Variants in PPFIBP2 observed in about 807,000 individuals in gnomAD.
PPFIBP2 encodes PPFIB scaffold protein 2, also known as liprin-beta-2.
Under a neutral mutation model 118.3 loss-of-function variants are expected in PPFIBP2, and 118 were observed. The ratio of observed to expected loss-of-function variants is 1.00; its 90% CI spans 0.86 to 1.16. The LOEUF (loss-of-function observed/expected upper bound fraction) is 1.16. Among genes scored for constraint, PPFIBP2 ranks in the 50% most tolerant of loss-of-function variants. The pLI, the probability that PPFIBP2 is intolerant of heterozygous loss-of-function variation, is 0.00. For synonymous variants in PPFIBP2, 414 were observed against 397.4 expected (o/e 1.04, Z -0.50); for missense variants, 1,195 against 1,073.1 (o/e 1.11, Z -1.59).
At chr11:7,537,990 G>A (rs1851380920) in intron 1 of PPFIBP2, among the ~76,000 whole-genome samples, 1 of 152,156 alleles carries the variant, frequency 6.6e-6, no homozygotes, top group African/African-American at 2.4e-5. Flanking sequence ...GGAGAGAGAG[G>A]GGAACAAAGG....
intron 1 of PPFIBP2, among the ~76,000 whole-genome samples, chr11:7,525,559 T>G (rs1850153241): frequency 6.6e-6 from 1 of 151,968 alleles, no homozygotes; most frequent in Non-Finnish European, 1.5e-5. Context: ...GAGGCAGAAG[T>G]CCATGACAAG....
intron 3 of PPFIBP2, among the ~76,000 whole-genome samples, chr11:7,584,206 A>G (rs1857708389): frequency 6.6e-6 from 1 of 152,206 alleles, no homozygotes; most frequent in Non-Finnish European, 1.5e-5. Context: ...AGGATTATTC[A>G]AGTCATTTCA....
At chr11:7,521,810 C>G (rs564155197) in intron 1 of PPFIBP2, among the ~76,000 whole-genome samples, 3 of 151,984 alleles carry the variant, frequency 2.0e-5, no homozygotes, top group Non-Finnish European at 4.4e-5. Flanking sequence ...CTGGTTATTT[C>G]GTATGGTAGA....
Position 7,534,666 on chromosome 11 carries a change from G to A in PPFIBP2, c.-36-14774G>A, listed in dbSNP as rs927113518. Among the ~76,000 whole-genome samples the A allele has an allele frequency of 3.3e-5, 5 of 152,182 alleles. 1 individual carries two copies. Among genetic ancestry groups the A allele is most frequent in the African/African-American group, 7.2e-5 (3 of 41,422 alleles). ...GCAGGTGTGGTGTGGACAGGGGAGA[G>A]AATGGAGGTAAGGACTACCACAGGT... On this transcript the variant is annotated intron_variant, in intron 1 of 23. Coordinates refer to ENST00000299492, the MANE Select transcript of PPFIBP2 (RefSeq NM_003621.5).
downstream of PPFIBP2, among the ~76,000 whole-genome samples, chr11:7,661,338 G>C (rs1372843095): frequency 1.3e-5 from 2 of 150,274 alleles, no homozygotes; most frequent in Non-Finnish European, 3.0e-5. Context: ...AGAGATTCTG[G>C]TATGTTGTGT....
At position 7,534,537 on chromosome 11, in the gene PPFIBP2, G is replaced by A. The variant is rs1280457290; in HGVS notation, c.-36-14903G>A. Among the ~76,000 whole-genome samples the A allele has an allele frequency of 5.3e-5, 8 of 152,180 alleles. No homozygotes were observed. In the East Asian group the frequency reaches 1.5e-3, roughly 29 times the overall value. On this transcript the variant is annotated intron_variant, in intron 1 of 23. Coordinates refer to ENST00000299492, the MANE Select transcript of PPFIBP2 (RefSeq NM_003621.5). ...GCATGTGTGTTCTTTGCTGTAAGAA[G>A]GAAAATGAGGGTAGCTTCCCTTGAA... is the stretch of plus-strand genomic sequence containing the variant.
At chr11:7,617,392 C>G (rs1848784931) in intron 6 of PPFIBP2, 1 of 755,414 alleles carries the variant, frequency 1.3e-6, no homozygotes, top group Middle Eastern at 6.6e-4. Flanking sequence ...AGTGCAGTGG[C>G]TTGGCATGGA....
At chr11:7,639,224 C>T (rs1027898109) in intron 14 of PPFIBP2, among the ~76,000 whole-genome samples, 3 of 152,192 alleles carry the variant, frequency 2.0e-5, no homozygotes, top group African/African-American at 7.2e-5. Context: ...CCTCTCTCCT[C>T]ACCACAGGAA....
downstream of PPFIBP2, among the ~76,000 whole-genome samples, chr11:7,661,453 T>C (rs12362956): frequency 0.51 from 76,812 of 149,520 alleles, 21,139 homozygotes; most frequent in Non-Finnish European, 0.61. Flanking sequence ...TGCAGTCGGG[T>C]GGTTTTGAGT....
intron 2 of PPFIBP2, among the ~76,000 whole-genome samples, chr11:7,559,195 T>C (rs1365601354): frequency 1.3e-5 from 2 of 152,246 alleles, no homozygotes; most frequent in Non-Finnish European, 2.9e-5. Context: ...GTAAGTTGAA[T>C]TACCCTTTTC....
At chr11:7,529,434 A>G (rs564932608) in intron 1 of PPFIBP2, among the ~76,000 whole-genome samples, 46 of 152,280 alleles carry the variant, frequency 3.0e-4, no homozygotes, top group African/African-American at 9.1e-4. Context: ...CTGTCTGGCT[A>G]TCGGTGTCCC....
chr11:7,585,947 G>C (rs1372506408), intron 3 of PPFIBP2, among the ~76,000 whole-genome samples: 2 of 152,196 alleles, frequency 1.3e-5, no homozygotes, highest in Non-Finnish European at 2.9e-5. Context: ...CATGTATGTA[G>C]CACATAATAC....
intron 6 of PPFIBP2, among the ~76,000 whole-genome samples, chr11:7,613,848 C>T (rs906148497): frequency 1.3e-5 from 2 of 152,152 alleles, no homozygotes; most frequent in African/African-American, 4.8e-5. Flanking sequence ...GCAGGGACCC[C>T]AGATATGCTA....
At chr11:7,663,720 G>C in the PPFIBP2 span, among the ~76,000 whole-genome samples, 31 of 152,346 alleles carry the variant, frequency 2.0e-4, 1 homozygote, top group Middle Eastern at 0.01. Flanking sequence ...AGCAAGCCTG[G>C]GTAATGGCGG....
At chr11:7,553,972 C>T (rs1320303006) in intron 2 of PPFIBP2, among the ~76,000 whole-genome samples, 3 of 152,082 alleles carry the variant, frequency 2.0e-5, no homozygotes, top group African/African-American at 7.2e-5. Flanking sequence ...GTCTCTCTTA[C>T]GTTATTTCTT....
Position 7,523,992 on chromosome 11 carries a change from C to T in PPFIBP2, c.-37+9871C>T, listed in dbSNP as rs1849997306. Reference sequence around the variant, plus strand: ...TCTCACTCTGACCTGGAGGGCCACTCCTGTGACTGCACTGATTATCCCAAG... The same window carrying T: ...TCTCACTCTGACCTGGAGGGCCACTTCTGTGACTGCACTGATTATCCCAAG... On this transcript the variant is annotated intron_variant, in intron 1 of 23. Transcript: ENST00000299492. Among the ~76,000 whole-genome samples the T allele has an allele frequency of 3.3e-5, 5 of 152,194 alleles. No homozygotes were observed. In the South Asian group the frequency reaches 8.3e-4, roughly 25 times the overall value.
the PPFIBP2 span, chr11:7,667,257 C>A: frequency 6.7e-6 from 1 of 149,898 alleles, no homozygotes. Context: ...TATAGTGCAA[C>A]TTGATAAAAA....
chr11:7,652,193 G>A (rs1392629296), intron 23 of PPFIBP2, among the ~76,000 whole-genome samples: 1 of 152,256 alleles, frequency 6.6e-6, no homozygotes, highest in African/African-American at 2.4e-5. Flanking sequence ...AGGCCTGCCT[G>A]CGTGCCGCAA....
At position 7,535,442 on chromosome 11, in the gene PPFIBP2, A is replaced by G. The variant is rs1164891177; in HGVS notation, c.-36-13998A>G. Among the ~76,000 whole-genome samples the G allele has an allele frequency of 3.3e-5, 5 of 152,222 alleles. No homozygotes were observed. In the South Asian group the frequency reaches 6.2e-4, roughly 19 times the overall value. ...TGCGTCCAGCGTAGTGGTTAGGAAC[A>G]TAACCTTGGAGTTGGACTGCCTGAA... On this transcript the variant is annotated intron_variant, in intron 1 of 23. Coordinates refer to ENST00000299492, the MANE Select transcript of PPFIBP2 (RefSeq NM_003621.5).
Sources: gnomAD v4.1 joint callset for allele counts (sites outside exome capture counted in the v4.1 genomes callset) on GRCh38, gnomAD v4.1.1 for gene constraint, MANE v1.5 for transcripts, NCBI Gene and HGNC (gene_info 2026-07-23, HGNC 2026-07-21) for gene names.